The following NCOA2 variants were observed in gnomAD, a reference collection of about 807,000 sequenced individuals.
NCOA2 encodes class E basic helix-loop-helix protein 75.
Under a neutral mutation model 145.1 loss-of-function variants are expected in NCOA2, and 21 were observed. The observed-to-expected ratio is 0.14, with a 90% CI of 0.10 to 0.21. NCOA2 has a LOEUF of 0.21. NCOA2 is among the 10% of genes least tolerant of loss of function. NCOA2 has a pLI of 1.00. For synonymous variants in NCOA2, 619 were observed against 637.5 expected, an observed-to-expected ratio of 0.97 and a Z score of 0.44; for missense variants, 1,472 against 1,837.6, an observed-to-expected ratio of 0.80 and a Z score of 3.64.
At chr8:70,209,106 A>G (rs185123709) in intron 4 of NCOA2, among the ~76,000 whole-genome samples, 1 of 152,278 alleles carries the variant, frequency 6.6e-6, no homozygotes, top group African/African-American at 2.4e-5. Flanking sequence ...CATTAACAGG[A>G]ATTTGGAAGA....
At chr8:70,119,401 A>G (rs573834528) in intron 22 of NCOA2, among the ~76,000 whole-genome samples, 109 of 152,312 alleles carry the variant, frequency 7.2e-4, no homozygotes, top group African/African-American at 2.4e-3. Context: ...CATTTTTTTA[A>G]TGGCTAAATA....
At chr8:70,131,565 G>T (rs375847793) in intron 16 of NCOA2, among the ~76,000 whole-genome samples, 1 of 152,140 alleles carries the variant, frequency 6.6e-6, no homozygotes, top group Non-Finnish European at 1.5e-5. Flanking sequence ...CAGCAAGGGC[G>T]GACACCAGGT....
chr8:70,258,229 T>C (rs1408657299), intron 2 of NCOA2, among the ~76,000 whole-genome samples: 2 of 152,274 alleles, frequency 1.3e-5, no homozygotes, highest in Non-Finnish European at 2.9e-5. Context: ...TGGGCATTTC[T>C]TGAATAACAT....
intron 2 of NCOA2, among the ~76,000 whole-genome samples, chr8:70,220,039 T>C (rs147569041): frequency 1.2e-3 from 182 of 152,368 alleles, no homozygotes; most frequent in Non-Finnish European, 2.2e-3. Flanking sequence ...TTCTAGTGTA[T>C]AGTCACTCAT....
chr8:70,188,444 A>G (rs897051082), intron 4 of NCOA2, among the ~76,000 whole-genome samples: 1 of 152,196 alleles, frequency 6.6e-6, no homozygotes, highest in African/African-American at 2.4e-5. Flanking sequence ...ATAAATAATC[A>G]CTTGCAAAAT....
intron 2 of NCOA2, among the ~76,000 whole-genome samples, chr8:70,268,707 TTATTAA>T (rs1824807356): frequency 6.6e-6 from 1 of 151,996 alleles, no homozygotes; most frequent in Non-Finnish European, 1.5e-5. Flanking sequence ...TCACGGGTTT[TTATTAA>T]TATTAAATGA....
the NCOA2 span, among the ~76,000 whole-genome samples, chr8:70,419,072 T>A: frequency 1.3e-5 from 2 of 151,868 alleles, no homozygotes; most frequent in South Asian, 4.2e-4. Flanking sequence ...CAAGATTTTT[T>A]ATAGTATAGT....
the NCOA2 span, among the ~76,000 whole-genome samples, chr8:70,451,231 A>ATATATATATATATATATATAT: frequency 2.0e-5 from 2 of 99,170 alleles, no homozygotes; most frequent in African/African-American, 7.9e-5. Context: ...AAAAAAAAAA[A>ATATATATATATATATATATAT]AAAAAAATAT....
intron 21 of NCOA2, among the ~76,000 whole-genome samples, chr8:70,123,529 A>AC (rs942628771): frequency 1.3e-5 from 2 of 150,734 alleles, no homozygotes; most frequent in Admixed American, 6.6e-5. Context: ...ACAAAACAAA[A>AC]CCCCCCCAAA....
intron 4 of NCOA2, among the ~76,000 whole-genome samples, chr8:70,180,353 A>G (rs1029537248): frequency 6.6e-6 from 1 of 152,102 alleles, no homozygotes; most frequent in Non-Finnish European, 1.5e-5. Flanking sequence ...TTGAACAGCA[A>G]TCCCTCACAA....
At chr8:70,269,241 G>T (rs1824851970) in intron 2 of NCOA2, among the ~76,000 whole-genome samples, 1 of 152,154 alleles carries the variant, frequency 6.6e-6, no homozygotes, top group Admixed American at 6.5e-5. Context: ...AATATTTCAA[G>T]TTGAATTCAC....
the NCOA2 span, among the ~76,000 whole-genome samples, chr8:70,432,191 A>G: frequency 6.6e-6 from 1 of 151,654 alleles, no homozygotes; most frequent in Non-Finnish European, 1.5e-5. Context: ...GAATCTGTTA[A>G]CAATTTCCCT....
intron 1 of NCOA2, among the ~76,000 whole-genome samples, chr8:70,398,852 A>G (rs892575080): frequency 2.0e-5 from 3 of 152,362 alleles, no homozygotes; most frequent in Admixed American, 6.5e-5. Flanking sequence ...ATGGGGACCC[A>G]GAAATGTGGT....
intron 2 of NCOA2, among the ~76,000 whole-genome samples, chr8:70,255,210 T>G (rs58999421): frequency 0.012 from 1,834 of 152,300 alleles, 50 homozygotes; most frequent in African/African-American, 0.042. Flanking sequence ...CACAACCACC[T>G]GTTGTGTGCC....
At chr8:70,176,209 T>C (rs1814829002) in intron 4 of NCOA2, among the ~76,000 whole-genome samples, 1 of 152,246 alleles carries the variant, frequency 6.6e-6, no homozygotes, top group African/African-American at 2.4e-5. Context: ...TGATTAGTTC[T>C]TCCTTGAGTT....
chr8:70,337,610 A>G (rs1936991117), intron 1 of NCOA2, among the ~76,000 whole-genome samples: 1 of 152,218 alleles, frequency 6.6e-6, no homozygotes, highest in Non-Finnish European at 1.5e-5. Flanking sequence ...GTCAATATTA[A>G]CAAAGGTATT....
intron 21 of NCOA2, among the ~76,000 whole-genome samples, chr8:70,123,040 C>T (rs1807995939): frequency 6.6e-6 from 1 of 152,144 alleles, no homozygotes; most frequent in Admixed American, 6.5e-5. Context: ...TACCATGGTA[C>T]AATTATTAAC....
chr8:70,225,597 A>G (rs1434938002), intron 2 of NCOA2, among the ~76,000 whole-genome samples: 3 of 151,898 alleles, frequency 2.0e-5, no homozygotes, highest in Non-Finnish European at 4.4e-5. Flanking sequence ...AAAGAAAAAG[A>G]GAAGAAAAAC....
intron 1 of NCOA2, among the ~76,000 whole-genome samples, chr8:70,350,466 T>A (rs542575492): frequency 1.3e-5 from 2 of 152,324 alleles, no homozygotes; most frequent in Admixed American, 1.3e-4. Flanking sequence ...AAATGTGAAA[T>A]TAAATTGGCC....
Sources: gnomAD v4.1 joint callset for allele counts (sites outside exome capture counted in the v4.1 genomes callset) on GRCh38, gnomAD v4.1.1 for gene constraint, MANE v1.5 for transcripts, NCBI Gene and HGNC (gene_info 2026-07-23, HGNC 2026-07-21) for gene names.